AGBL4: variants seen among roughly 807,000 people sequenced by gnomAD.
AGBL4 encodes the protein AGBL carboxypeptidase 4, also known as cytosolic carboxypeptidase 6.
AGBL4 carries 58 observed loss-of-function variants against 66.4 expected under a neutral mutation model. The observed-to-expected ratio is 0.87, with a 90% CI of 0.71 to 1.09. AGBL4 has a LOEUF of 1.09. Ranked by LOEUF, AGBL4 falls within the 50% of genes least tolerant of loss-of-function variation. The pLI, the probability that AGBL4 is intolerant of heterozygous loss-of-function variation, is 0.00. For missense variants in AGBL4, 579 were observed against 631.0 expected (o/e 0.92, Z 0.88); for synonymous variants, 234 against 222.9 (o/e 1.05, Z -0.44).
chr1:48,744,337 C>T (rs1300299650), intron 6 of AGBL4, among the ~76,000 whole-genome samples: 1 of 152,196 alleles, frequency 6.6e-6, no homozygotes, highest in Non-Finnish European at 1.5e-5. Flanking sequence ...AAAGTTTCTT[C>T]TCTCTGTGTG....
At chr1:49,952,203 A>G (rs1210624946) in intron 1 of AGBL4, among the ~76,000 whole-genome samples, 1 of 151,920 alleles carries the variant, frequency 6.6e-6, no homozygotes, top group East Asian at 1.9e-4. Flanking sequence ...AGTGGATAGT[A>G]CTAAGAACAC....
At chr1:49,920,977 A>C (rs1348801697) in intron 1 of AGBL4, among the ~76,000 whole-genome samples, 1 of 152,212 alleles carries the variant, frequency 6.6e-6, no homozygotes, top group Non-Finnish European at 1.5e-5. Flanking sequence ...ATTCTCAGCA[A>C]ACTATCGCAA....
chr1:49,284,481 C>G (rs538790189), intron 3 of AGBL4, among the ~76,000 whole-genome samples: 2 of 151,728 alleles, frequency 1.3e-5, no homozygotes, highest in African/African-American at 4.8e-5. Context: ...GCAAAATCAC[C>G]AGCTAACTTC....
rs146055298 is a variant in AGBL4 at position 50,013,223 on chromosome 1, G to T, written c.34+10540C>A. On this transcript the variant is annotated intron_variant, in intron 1 of 13. Transcript: ENST00000371839. Reference sequence around the variant, plus strand: ...AATTTAAAGGAAGAAATAGTCCTCTGTCTTAGGGCTTTATTAAATCAGGTT... The same window carrying T: ...AATTTAAAGGAAGAAATAGTCCTCTTTCTTAGGGCTTTATTAAATCAGGTT... Among the ~76,000 whole-genome samples, 424 of 152,286 alleles carry T rather than the reference G, an allele frequency of 2.8e-3. 3 individuals are homozygous for T. The highest frequency in any genetic ancestry group is 9.9e-3 in the South Asian group (48 of 4,826).
At chr1:49,930,858 T>A (rs1195199715) in intron 1 of AGBL4, among the ~76,000 whole-genome samples, 1 of 152,146 alleles carries the variant, frequency 6.6e-6, no homozygotes, top group Admixed American at 6.6e-5. Context: ...ACCAAGGATA[T>A]CTACATCAAC....
At chr1:49,696,482 C>A (rs1390257663) in intron 3 of AGBL4, among the ~76,000 whole-genome samples, 1 of 152,048 alleles carries the variant, frequency 6.6e-6, no homozygotes, top group Non-Finnish European at 1.5e-5. Context: ...AAATCCAAAA[C>A]TTTTTGAGCA....
intron 1 of AGBL4, among the ~76,000 whole-genome samples, chr1:49,933,125 A>G (rs1034007761): frequency 6.6e-6 from 1 of 152,172 alleles, no homozygotes; most frequent in African/African-American, 2.4e-5. Context: ...ATAAACCTGC[A>G]ATCAAATTTT....
chr1:49,750,433 T>C (rs1651360382), intron 2 of AGBL4, among the ~76,000 whole-genome samples: 1 of 152,208 alleles, frequency 6.6e-6, no homozygotes, highest in Non-Finnish European at 1.5e-5. Flanking sequence ...AGGCTTCTGT[T>C]CTGTCCCATT....
intron 5 of AGBL4, among the ~76,000 whole-genome samples, chr1:49,000,593 A>G (rs1023668539): frequency 3.9e-5 from 6 of 152,194 alleles, no homozygotes; most frequent in African/African-American, 1.4e-4. Context: ...AATAAGAAAC[A>G]GTCCTAATCT....
chr1:49,780,212 T>C (rs1478535540), intron 2 of AGBL4, among the ~76,000 whole-genome samples: 1 of 152,100 alleles, frequency 6.6e-6, no homozygotes, highest in African/African-American at 2.4e-5. Context: ...ATAAAAGACA[T>C]AACAATAGTA....
At chr1:49,557,435 C>A (rs1643930959) in intron 3 of AGBL4, among the ~76,000 whole-genome samples, 1 of 152,080 alleles carries the variant, frequency 6.6e-6, no homozygotes, top group Admixed American at 6.6e-5. Context: ...CACAACCTGG[C>A]AGCAGCAGCA....
At chr1:48,801,704 G>A (rs1278298954) in intron 6 of AGBL4, among the ~76,000 whole-genome samples, 1 of 152,052 alleles carries the variant, frequency 6.6e-6, no homozygotes, top group Non-Finnish European at 1.5e-5. Flanking sequence ...GCAGTTTTTT[G>A]GCTGTCTTGT....
At chr1:49,035,844 T>C (rs1457409449) in intron 5 of AGBL4, among the ~76,000 whole-genome samples, 1 of 152,076 alleles carries the variant, frequency 6.6e-6, no homozygotes, top group Non-Finnish European at 1.5e-5. Context: ...TCTCCAACTT[T>C]CTATAAACCT....
intron 2 of AGBL4, among the ~76,000 whole-genome samples, chr1:49,819,385 G>A (rs1645310202): frequency 1.3e-5 from 2 of 152,134 alleles, no homozygotes; most frequent in Admixed American, 6.5e-5. Context: ...GCAACTTACA[G>A]AACAGTTACG....
chr1:48,879,651 A>G (rs1371390358), intron 5 of AGBL4, among the ~76,000 whole-genome samples: 1 of 152,186 alleles, frequency 6.6e-6, no homozygotes, highest in African/African-American at 2.4e-5. Flanking sequence ...GTGAACATCT[A>G]CTATGCAAAT....
At chr1:49,508,081 C>T (rs1195019709) in intron 3 of AGBL4, among the ~76,000 whole-genome samples, 8 of 151,882 alleles carry the variant, frequency 5.3e-5, no homozygotes, top group African/African-American at 1.9e-4. Flanking sequence ...GAAGTTTATA[C>T]TCTAGTGTAA....
rs1014950081 is a variant in AGBL4, at chr1:49,935,832, T to C, written c.35-84314A>G. On this transcript the variant is annotated intron_variant, in intron 1 of 13. Transcript: ENST00000371839. Reference sequence around the variant, plus strand: ...AAAGGACATCCACACCAAAAACCCATCTGTACGTCACCATCATCAAAGACC... The same window carrying C: ...AAAGGACATCCACACCAAAAACCCACCTGTACGTCACCATCATCAAAGACC... Among the ~76,000 whole-genome samples the C allele has an allele frequency of 5.9e-5, 9 of 152,070 alleles. 1 individual carries two copies. In the South Asian group the frequency reaches 6.2e-4, roughly 11 times the overall value.
chr1:49,797,105 C>A (rs907214080), intron 2 of AGBL4, among the ~76,000 whole-genome samples: 1 of 152,136 alleles, frequency 6.6e-6, no homozygotes, highest in Non-Finnish European at 1.5e-5. Context: ...GCCATTTAAT[C>A]TCCAGCAAAT....
intron 2 of AGBL4, among the ~76,000 whole-genome samples, chr1:49,783,448 G>T (rs560372198): frequency 6.6e-6 from 1 of 152,162 alleles, no homozygotes; most frequent in South Asian, 2.1e-4. Flanking sequence ...TGCATAAAAA[G>T]TATCCGTCAA....
Sources: allele counts gnomAD v4.1 joint callset (sites outside exome capture counted in the v4.1 genomes callset), GRCh38; gene constraint gnomAD v4.1.1; transcripts MANE v1.5; gene names NCBI Gene and HGNC (gene_info 2026-07-23, HGNC 2026-07-21).